The following ITGA7 variants were observed in gnomAD, a reference collection of about 807,000 sequenced individuals.
ITGA7 encodes the protein integrin alpha-7.
A neutral mutation model predicts 131.6 loss-of-function variants in ITGA7; 84 were observed. That is an observed-to-expected ratio of 0.64 (90% CI 0.54 to 0.77). ITGA7 has a LOEUF of 0.77. Among genes scored for constraint, ITGA7 ranks in the 30% least tolerant of loss-of-function variants. The pLI is 0.00. For missense variants in ITGA7, 1,399 were observed against 1,482.9 expected (o/e 0.94, Z 0.93); for synonymous variants, 548 against 600.7 (o/e 0.91, Z 1.28).
chr12:55,707,468 G>T lies in ITGA7; in HGVS notation c.206+9C>A. ...GGCATGGCGACTCTGGGCGGGTGCG[G>T]TGACTCACCAGCTCTGGGGTCGGGG... On this transcript the variant is annotated intron_variant, in intron 1 of 24. Transcript: ENST00000257879. 1 of 1,609,630 alleles carries T rather than the reference G, an allele frequency of 6.2e-7. No homozygotes were observed. The highest frequency in any genetic ancestry group is 8.5e-7 in the Non-Finnish European group (1 of 1,176,584).
Position 55,700,883 on chromosome 12 carries a change from C to T in ITGA7, c.670+16G>A, listed in dbSNP as rs751324051. ...AGGTTTTGGTCCCCTTCTCCCCTTCCCGAGGAGTGACTCACCCTTCCAATT... is the reference window on the plus strand; with the variant it reads ...AGGTTTTGGTCCCCTTCTCCCCTTCTCGAGGAGTGACTCACCCTTCCAATT... On this transcript the variant is annotated intron_variant, in intron 4 of 24. Coordinates refer to ENST00000257879, the MANE Select transcript of ITGA7 (RefSeq NM_002206.3). 6.2e-7 allele frequency: 1 copy of T among 1,614,184 alleles called. No individual in the cohort carries two copies. The highest frequency in any genetic ancestry group is 1.7e-5 in the Admixed American group (1 of 60,026).
chr12:55,694,637 T>A lies in ITGA7; in HGVS notation c.2255A>T (p.Asn752Ile). 1.9e-6 allele frequency: 3 copies of A among 1,613,862 alleles called. No individual in the cohort carries two copies. The highest frequency in any genetic ancestry group is 2.5e-6 in the Non-Finnish European group (3 of 1,179,938). ...NASHVECELG[N>I]PMKRGAQVTF... ...AACCTGGGCACCTCTCTTCATGGGG[T>A]TCCCCAGCTCACACTCAACATGGGA... The change falls in exon 16 of 25, where the codon AAC becomes ATC. Residue 752 changes from asparagine to isoleucine, a missense_variant. Transcript: ENST00000257879. The surrounding 1 kb of genome is among the most constrained non-coding windows in gnomAD (Gnocchi z 5.3).
rs547705184 is a variant in ITGA7 at position 55,698,218 on chromosome 12, A to G, written c.1192+165T>C. ...CAGATATTACTAACGCAAAAAGGTT[A>G]GGAACTTGCCAAGGTCAGAAAGCTG... On this transcript the variant is annotated intron_variant, in intron 7 of 24. Transcript: ENST00000257879. 9.6e-5 allele frequency: 82 copies of G among 852,742 alleles called. No individual in the cohort carries two copies. The East Asian group carries it at 2.1e-3, about 22-fold the overall frequency. 52.8% of individuals were successfully genotyped at this position (852,742 alleles called of 1,614,324 possible).
At chr12:55,712,157 G>A, upstream of ITGA7, 2 of 1,551,426 alleles carry the variant, frequency 1.3e-6, no homozygotes, top group Non-Finnish European at 1.7e-6. Context: ...GAACATAAAT[G>A]TGATTGAGGG....
intron 22 of ITGA7, 76 bp downstream of exon 22, chr12:55,688,768 A>C: frequency 9.5e-7 from 1 of 1,047,692 alleles, no homozygotes; most frequent in Non-Finnish European, 1.5e-6. Context: ...ACAGTGAGGA[A>C]GGAGGAGGAG....
upstream of ITGA7, among the ~76,000 whole-genome samples, chr12:55,713,861 T>C (rs1449239453): frequency 6.6e-6 from 1 of 152,204 alleles, no homozygotes; most frequent in Non-Finnish European, 1.5e-5. Context: ...CATTGATCAG[T>C]AATTCTCAAA....
intron 21 of ITGA7, among the ~76,000 whole-genome samples, chr12:55,689,984 A>G (rs1427240510): frequency 6.6e-6 from 1 of 152,248 alleles, no homozygotes; most frequent in African/African-American, 2.4e-5. Flanking sequence ...AGATAGATTA[A>G]AGACTTAAAT....
intron 21 of ITGA7, among the ~76,000 whole-genome samples, chr12:55,689,565 C>T (rs1389336491): frequency 6.6e-6 from 1 of 152,222 alleles, no homozygotes; most frequent in Non-Finnish European, 1.5e-5. Context: ...ATCACCACCT[C>T]ACGACCCATT....
At chr12:55,690,935 C>G (rs1301206263) in intron 21 of ITGA7, among the ~76,000 whole-genome samples, 1 of 151,558 alleles carries the variant, frequency 6.6e-6, no homozygotes, top group Admixed American at 6.6e-5. Context: ...CACATGGACA[C>G]AGGAAGGGGA....
upstream of ITGA7, among the ~76,000 whole-genome samples, chr12:55,709,020 C>T (rs1875773129): frequency 6.6e-6 from 1 of 152,180 alleles, no homozygotes; most frequent in Non-Finnish European, 1.5e-5. Context: ...ATAATGGGAA[C>T]CTCGAATGCT....
chr12:55,694,753 C>G lies in ITGA7; in HGVS notation c.2196+25G>C, dbSNP rs759637100. The G allele has an allele frequency of 1.2e-6, 2 of 1,613,958 alleles. No homozygotes were observed. Among genetic ancestry groups the G allele is most frequent in the Non-Finnish European group, 8.5e-7 (1 of 1,179,888 alleles). ...GTTACTGGAGCCCCTCAAGACCCCA[C>G]CCCATCCTGCCCCCAGGTCCTCACC... On this transcript the variant is annotated intron_variant, in intron 15 of 24. Coordinates refer to ENST00000257879, the MANE Select transcript of ITGA7 (RefSeq NM_002206.3). This position sits in a 1 kb window ranked among gnomAD's most constrained non-coding sequence, Gnocchi z 5.3.
chr12:55,707,449 G>A, intron 1 of ITGA7, 28 bp downstream of exon 1: 1 of 1,582,796 alleles, frequency 6.3e-7, no homozygotes, highest in Non-Finnish European at 8.7e-7. Flanking sequence ...CTCGGGCATG[G>A]CGACTCTGGG....
Position 55,694,494 on chromosome 12 carries a change from G to A in ITGA7, c.2306C>T (p.Ser769Phe). The stretch of plus-strand genomic sequence containing the variant: ...TTCCGTGGTCTCAATGCTGATCCCG[G>A]AGGTGCTAAGGATGAGGTAGAAGGT... The part of the protein sequence containing the change: ...QVTFYLILST[S>F]GISIETTELE... The change falls in exon 17 of 25, where the codon TCC becomes TTC. Residue 769 changes from serine to phenylalanine, a missense_variant. By Grantham distance (155) the Ser-to-Phe change is radical. Coordinates refer to ENST00000257879, the MANE Select transcript of ITGA7 (RefSeq NM_002206.3). The surrounding 1 kb of genome is among the most constrained non-coding windows in gnomAD (Gnocchi z 5.3). The A allele has an allele frequency of 6.2e-7, 1 of 1,614,238 alleles. No homozygotes were observed. The highest frequency in any genetic ancestry group is 8.5e-7 in the Non-Finnish European group (1 of 1,180,030).
chr12:55,703,376 T>C (rs1874499325), intron 1 of ITGA7, among the ~76,000 whole-genome samples, 198 bp from the exon 2 acceptor site: 1 of 151,918 alleles, frequency 6.6e-6, no homozygotes, highest in African/African-American at 2.4e-5. Flanking sequence ...TCACGTTGCA[T>C]GTACATACTA....
Position 55,685,065 on chromosome 12 carries a change from G to T in ITGA7, c.3407C>A (p.Thr1136Asn), listed in dbSNP as rs1280820433. Residue 1136 changes from threonine (T) to asparagine (N), a missense_variant, in exon 25 of 25, where the codon ACC (threonine) becomes AAC (asparagine). By Grantham distance (65) the Thr-to-Asn change is moderately conservative. Transcript: ENST00000257879. ...AGGCTGGGACATGGGAACCTAGGCG[G>T]TGCCTGGCCCTGGATGCCCATCGGG... Reference protein sequence around the residue: ...LGPDGHPGPGTA With the variant: ...LGPDGHPGPGNA 1.3e-6 allele frequency: 2 copies of T among 1,585,930 alleles called. No individual in the cohort carries two copies. Among genetic ancestry groups the T allele is most frequent in the East Asian group, 2.2e-5 (1 of 44,712 alleles).
rs773074252 is a variant in ITGA7, at chr12:55,707,460, C to T, written c.206+17G>A. On this transcript the variant is annotated intron_variant, in intron 1 of 24. Transcript: ENST00000257879. Reference sequence around the variant, plus strand: ...GTGGCTCGGGCATGGCGACTCTGGGCGGGTGCGGTGACTCACCAGCTCTGG... The same window carrying T: ...GTGGCTCGGGCATGGCGACTCTGGGTGGGTGCGGTGACTCACCAGCTCTGG... The T allele has an allele frequency of 1.9e-6, 3 of 1,602,074 alleles. No homozygotes were observed. Among genetic ancestry groups the T allele is most frequent in the East Asian group, 2.2e-5 (1 of 44,780 alleles).
intron 3 of ITGA7, 76 bp from the exon 4 acceptor site, chr12:55,701,230 A>G: frequency 1.2e-6 from 2 of 1,605,724 alleles, no homozygotes; most frequent in Non-Finnish European, 1.7e-6. Flanking sequence ...CCATATGCAG[A>G]GATTTGGCAG....
Position 55,697,086 on chromosome 12 carries a change from A to G in ITGA7, c.1568-18T>C, listed in dbSNP as rs371316432. Reference sequence around the variant, plus strand: ...GTCCAGGGCTGTGGCATGTTGGGAAAGGAGGAGCTGCTGAGCTGCAGAGCT... The same window carrying G: ...GTCCAGGGCTGTGGCATGTTGGGAAGGGAGGAGCTGCTGAGCTGCAGAGCT... On this transcript the variant is annotated intron_variant, in intron 11 of 24. Transcript: ENST00000257879. 826 of 1,612,116 alleles carry G rather than the reference A, an allele frequency of 5.1e-4. 11 individuals carry two copies. In the South Asian group the frequency reaches 8.4e-3, roughly 16 times the overall value.
At chr12:55,687,487 C>CTT (rs34640494) in intron 24 of ITGA7, among the ~76,000 whole-genome samples, 101 of 59,624 alleles carry the variant, frequency 1.7e-3, no homozygotes, top group Non-Finnish European at 2.3e-3. Flanking sequence ...CCATGCCCGG[C>CTT]TTTTTTTTTT....
Sources: gnomAD v4.1 joint callset for allele counts (sites outside exome capture counted in the v4.1 genomes callset) on GRCh38, gnomAD v4.1.1 for gene constraint, Gnocchi (gnomAD v3.1) non-coding constraint, MANE v1.5 for transcripts, NCBI Gene and HGNC (gene_info 2026-07-23, HGNC 2026-07-21) for gene names.